The following EPHA3 variants were observed in gnomAD, a reference collection of about 807,000 sequenced individuals.
EPHA3 encodes ephrin type-A receptor 3.
In EPHA3, 42 loss-of-function variants were observed where a neutral mutation model predicts 107.1. The observed-to-expected ratio is 0.39, with a 90% CI of 0.31 to 0.51. EPHA3 has a LOEUF of 0.51. Among genes scored for constraint, EPHA3 ranks in the 20% least tolerant of loss-of-function variants. The probability of loss-of-function intolerance (pLI) is 0.78; values close to 1 mark genes in which losing one functional copy is unlikely to be tolerated. For synonymous variants in EPHA3, 461 were observed against 424.8 expected (o/e 1.09, Z -1.05); for missense variants, 1,183 against 1,211.2 (o/e 0.98, Z 0.35).
At chr3:89,429,736 A>G (rs1455362873) in intron 12 of EPHA3, among the ~76,000 whole-genome samples, 9 of 148,706 alleles carry the variant, frequency 6.1e-5, no homozygotes, top group Admixed American at 5.4e-4. Flanking sequence ...CTATCTATCT[A>G]TCTATATTTT....
intron 2 of EPHA3, among the ~76,000 whole-genome samples, chr3:89,182,232 C>T (rs1705457530): frequency 6.6e-6 from 1 of 151,834 alleles, no homozygotes; most frequent in South Asian, 2.1e-4. Flanking sequence ...ACTTTATAGC[C>T]CCAACCATGC....
chr3:89,442,086 A>G (rs1343556129), intron 13 of EPHA3, among the ~76,000 whole-genome samples: 3 of 152,216 alleles, frequency 2.0e-5, no homozygotes, highest in Non-Finnish European at 4.4e-5. Context: ...CTTAATTTAT[A>G]AAGTTAATTT....
At chr3:89,414,254 A>G (rs1709206698) in intron 10 of EPHA3, among the ~76,000 whole-genome samples, 1 of 151,734 alleles carries the variant, frequency 6.6e-6, no homozygotes, top group Admixed American at 6.6e-5. Flanking sequence ...GAACAGGACA[A>G]TCTTGTAAAT....
At position 89,143,208 on chromosome 3, in the gene EPHA3, C is replaced by G. The variant is rs1005956016; in HGVS notation, c.153+15935C>G. Among the ~76,000 whole-genome samples the G allele has an allele frequency of 4.0e-5, 6 of 151,284 alleles. No individual in the cohort carries two copies. The East Asian group carries it at 7.8e-4, about 20-fold the overall frequency. ...TGAGACTAGATTTCTCTTTACTTTT[C>G]TAGTAATACTTTTGTGTTTCTTTTG... On this transcript the variant is annotated intron_variant, in intron 2 of 16. Coordinates refer to ENST00000336596, the MANE Select transcript of EPHA3 (RefSeq NM_005233.6).
chr3:89,357,661 T>C (rs537554251), intron 5 of EPHA3, among the ~76,000 whole-genome samples: 1 of 151,374 alleles, frequency 6.6e-6, no homozygotes, highest in African/African-American at 2.4e-5. Flanking sequence ...GTAGTAAAGC[T>C]TGTTTTATTT....
chr3:89,334,232 A>G (rs1356794242), intron 3 of EPHA3, among the ~76,000 whole-genome samples: 3 of 152,214 alleles, frequency 2.0e-5, no homozygotes, highest in Non-Finnish European at 4.4e-5. Flanking sequence ...TATAAAACCA[A>G]TATGCCCTTT....
intron 11 of EPHA3, among the ~76,000 whole-genome samples, chr3:89,420,124 C>G (rs576534279): frequency 6.6e-6 from 1 of 151,418 alleles, no homozygotes; most frequent in East Asian, 1.9e-4. Flanking sequence ...CATTTTTCCT[C>G]AAGATTTTGG....
At chr3:89,258,301 T>C (rs1705333771) in intron 3 of EPHA3, among the ~76,000 whole-genome samples, 1 of 152,208 alleles carries the variant, frequency 6.6e-6, no homozygotes, top group Non-Finnish European at 1.5e-5. Flanking sequence ...AAGTGTGATA[T>C]GTGATCTTGA....
At chr3:89,238,752 C>T (rs1704828005) in intron 3 of EPHA3, among the ~76,000 whole-genome samples, 1 of 152,104 alleles carries the variant, frequency 6.6e-6, no homozygotes, top group African/African-American at 2.4e-5. Context: ...CTTAACAAAT[C>T]ACTTACTTCA....
At chr3:89,313,255 C>T (rs1388772379) in intron 3 of EPHA3, among the ~76,000 whole-genome samples, 3 of 151,896 alleles carry the variant, frequency 2.0e-5, no homozygotes, top group South Asian at 2.1e-4. Flanking sequence ...TTACAGATAG[C>T]ATATAATTGG....
At chr3:89,426,678 G>C (rs1011873324) in intron 11 of EPHA3, among the ~76,000 whole-genome samples, 7 of 151,842 alleles carry the variant, frequency 4.6e-5, no homozygotes, top group African/African-American at 1.7e-4. Flanking sequence ...GGAGTGATAA[G>C]TAAAGGTCTG....
rs1708912904 is a variant in EPHA3, at chr3:89,399,421, G to A, written c.1535G>A (p.Arg512Gln). The A allele has an allele frequency of 1.2e-6, 2 of 1,614,022 alleles. No homozygotes were observed. Among genetic ancestry groups the A allele is most frequent in the African/African-American group, 1.3e-5 (1 of 75,008 alleles). Residue 512 changes from arginine to glutamine, a missense_variant, in exon 7 of 17, where the codon CGA (arginine) becomes CAA (glutamine). Transcript: ENST00000336596. ...DTIYVFQIRA[R>Q]TAAGYGTNSR... ...ATATACGTATTCCAAATCCGAGCCC[G>A]AACAGCCGCTGGATATGGGACGAAC... is the stretch of plus-strand genomic sequence containing the variant.
At chr3:89,146,632 A>C (rs1704564990) in intron 2 of EPHA3, among the ~76,000 whole-genome samples, 1 of 152,012 alleles carries the variant, frequency 6.6e-6, no homozygotes, top group Non-Finnish European at 1.5e-5. Context: ...GCTGTACAGA[A>C]GCTCTTTAGT....
chr3:89,171,598 A>T (rs1705211238), intron 2 of EPHA3, among the ~76,000 whole-genome samples: 1 of 152,166 alleles, frequency 6.6e-6, no homozygotes, highest in Admixed American at 6.5e-5. Context: ...AACAGCATCT[A>T]TAACTTATTC....
At chr3:89,459,311 C>G (rs769786603) in intron 15 of EPHA3, among the ~76,000 whole-genome samples, 4 of 152,044 alleles carry the variant, frequency 2.6e-5, no homozygotes, top group Non-Finnish European at 5.9e-5. Flanking sequence ...AAAGGCAAGG[C>G]AAAACAAGAA....
chr3:89,443,798 T>C (rs1425163668), intron 13 of EPHA3, among the ~76,000 whole-genome samples: 1 of 152,038 alleles, frequency 6.6e-6, no homozygotes, highest in African/African-American at 2.4e-5. Context: ...AATAAAGCAG[T>C]AGAAAGATCA....
chr3:89,416,910 A>G (rs1413513420), intron 10 of EPHA3, among the ~76,000 whole-genome samples: 1 of 151,502 alleles, frequency 6.6e-6, no homozygotes, highest in Admixed American at 6.6e-5. Context: ...GTCCAGTAAG[A>G]CATGAGCCTT....
At chr3:89,399,854 G>A (rs1180958220) in intron 7 of EPHA3, 3 of 1,080,854 alleles carry the variant, frequency 2.8e-6, no homozygotes, top group African/African-American at 3.3e-5. Flanking sequence ...AAAGAAACTT[G>A]CTGATCCATG....
At chr3:89,220,804 T>A (rs1220327830) in intron 3 of EPHA3, among the ~76,000 whole-genome samples, 2 of 152,226 alleles carry the variant, frequency 1.3e-5, no homozygotes, top group Non-Finnish European at 2.9e-5. Flanking sequence ...ATAAAAAGTT[T>A]CTATGCTTTA....
Sources: gnomAD v4.1 joint callset for allele counts (sites outside exome capture counted in the v4.1 genomes callset) on GRCh38, gnomAD v4.1.1 for gene constraint, MANE v1.5 for transcripts, NCBI Gene and HGNC (gene_info 2026-07-23, HGNC 2026-07-21) for gene names.